The following SYT14 variants were observed in gnomAD, a reference collection of about 807,000 sequenced individuals.
SYT14 encodes synaptotagmin-14.
In SYT14, 32 loss-of-function variants were observed where a neutral mutation model predicts 74.2. The observed-to-expected ratio is 0.43, with a 90% CI of 0.33 to 0.58. The LOEUF (loss-of-function observed/expected upper bound fraction) is 0.58. SYT14 is among the 20% of genes least tolerant of loss of function. The pLI is 0.05. For missense variants in SYT14, 791 were observed against 981.8 expected (o/e 0.81, Z 2.60); for synonymous variants, 298 against 337.7 (o/e 0.88, Z 1.29).
At chr1:209,973,259 G>A (rs552534948) in intron 2 of SYT14, among the ~76,000 whole-genome samples, 8 of 151,618 alleles carry the variant, frequency 5.3e-5, no homozygotes, top group South Asian at 2.1e-4. Context: ...TGTGCACAAC[G>A]TGCAGGTTAG....
chr1:209,943,769 T>C (rs988898632), intron 1 of SYT14, among the ~76,000 whole-genome samples: 3 of 152,182 alleles, frequency 2.0e-5, no homozygotes, highest in African/African-American at 7.2e-5. Flanking sequence ...AGTCGATTAC[T>C]ACCTAATATG....
intron 2 of SYT14, among the ~76,000 whole-genome samples, chr1:209,971,236 A>G (rs1401613558): frequency 6.6e-6 from 1 of 152,124 alleles, no homozygotes; most frequent in Non-Finnish European, 1.5e-5. Context: ...TTGATTTTGT[A>G]TCTTGAAACT....
At position 210,021,021 on chromosome 1, in the gene SYT14, T is replaced by G; in HGVS notation, c.1097-18T>G. On this transcript the variant is annotated intron_variant, in intron 4 of 9. Transcript: ENST00000637265. ...TTTTTTTTCAATTACCGTTTGTTCTTCATGTCATTCCAAATAGATAATTCC... is the reference window on the plus strand; with the variant it reads ...TTTTTTTTCAATTACCGTTTGTTCTGCATGTCATTCCAAATAGATAATTCC... 1 of 1,612,290 alleles carries G rather than the reference T, an allele frequency of 6.2e-7. No individual in the cohort carries two copies. Among genetic ancestry groups the G allele is most frequent in the Non-Finnish European group, 8.5e-7 (1 of 1,178,404 alleles).
chr1:209,991,871 G>T (rs1380165445), intron 2 of SYT14, among the ~76,000 whole-genome samples: 1 of 152,058 alleles, frequency 6.6e-6, no homozygotes, highest in Non-Finnish European at 1.5e-5. Context: ...TATTGACGGG[G>T]ATGCAGAGAA....
chr1:210,086,559 TC>T (rs1442040859), intron 5 of SYT14, among the ~76,000 whole-genome samples: 1 of 152,206 alleles, frequency 6.6e-6, no homozygotes, highest in Non-Finnish European at 1.5e-5. Context: ...TCTAGGCTCA[TC>T]ATGTACTTTA....
chr1:210,050,360 T>C (rs1406253220), intron 5 of SYT14, among the ~76,000 whole-genome samples: 1 of 152,210 alleles, frequency 6.6e-6, no homozygotes, highest in Non-Finnish European at 1.5e-5. Context: ...TGGATCTTAT[T>C]GTCCATATCA....
At chr1:210,127,146 A>G (rs13376651) in intron 7 of SYT14, among the ~76,000 whole-genome samples, 16,750 of 152,260 alleles carry the variant, frequency 0.11, 2,911 homozygotes, top group African/African-American at 0.37. Context: ...GTCAGCATGT[A>G]GAAGTTTGAA....
chr1:210,034,072 T>C (rs951815392), intron 5 of SYT14, among the ~76,000 whole-genome samples: 2 of 151,854 alleles, frequency 1.3e-5, no homozygotes, highest in Non-Finnish European at 3.0e-5. Context: ...GATTATGTGG[T>C]AAACACTATT....
At chr1:210,066,663 C>T (rs1572240974) in intron 5 of SYT14, among the ~76,000 whole-genome samples, 1 of 152,206 alleles carries the variant, frequency 6.6e-6, no homozygotes, top group Admixed American at 6.5e-5. Flanking sequence ...AATGTTCTCC[C>T]ATTCTGTAGG....
intron 1 of SYT14, among the ~76,000 whole-genome samples, chr1:209,949,271 A>G (rs1280083091): frequency 6.6e-6 from 1 of 152,084 alleles, no homozygotes. Flanking sequence ...CTTAGGAAGG[A>G]TTGGGGATAA....
chr1:210,136,833 T>C (rs2082796100), intron 7 of SYT14, among the ~76,000 whole-genome samples: 3 of 152,158 alleles, frequency 2.0e-5, no homozygotes, highest in African/African-American at 7.2e-5. Flanking sequence ...AATAACTTAG[T>C]GTGCAGACTG....
At chr1:210,060,134 G>T (rs1318498155) in intron 5 of SYT14, among the ~76,000 whole-genome samples, 2 of 152,138 alleles carry the variant, frequency 1.3e-5, no homozygotes, top group African/African-American at 4.8e-5. Flanking sequence ...GGGTATGGTT[G>T]TATAGGTCTG....
chr1:210,030,746 CTG>C (rs1199261960), intron 5 of SYT14, among the ~76,000 whole-genome samples: 2 of 152,032 alleles, frequency 1.3e-5, no homozygotes, highest in African/African-American at 4.8e-5. Context: ...TCAACTTTCT[CTG>C]TTGTTGGGAT....
Position 210,092,579 on chromosome 1 carries a change from C to A in SYT14, c.1313-1743C>A, listed in dbSNP as rs944562471. Among the ~76,000 whole-genome samples, 3 of 152,208 alleles carry A rather than the reference C, an allele frequency of 2.0e-5. No homozygotes were observed. The East Asian group carries it at 5.8e-4, about 29-fold the overall frequency. On this transcript the variant is annotated intron_variant, in intron 5 of 9. Coordinates refer to ENST00000637265, the Ensembl canonical transcript of SYT14. ...TAAATGGATCAAGCCAATTAACTGC[C>A]TAAAACCACTTGTCTCTTTACTATT...
chr1:210,168,480 C>T (rs1558237906), exon 10 of SYT14: 1 of 152,134 alleles, frequency 6.6e-6, no homozygotes, highest in East Asian at 1.9e-4. Context: ...ATTACATTAA[C>T]ATGTGATCTC....
exon 10 of SYT14, chr1:210,164,730 A>C (rs1197402705): frequency 6.6e-6 from 1 of 152,148 alleles, no homozygotes; most frequent in Non-Finnish European, 1.5e-5. Context: ...CATAGACTAG[A>C]CAATTCACAG....
At chr1:209,976,112 T>G (rs2079358070) in intron 2 of SYT14, among the ~76,000 whole-genome samples, 1 of 152,178 alleles carries the variant, frequency 6.6e-6, no homozygotes, top group Admixed American at 6.5e-5. Flanking sequence ...TTATTAGTCT[T>G]GCTAGCGGTT....
At chr1:210,110,844 A>G (rs2102578899) in intron 7 of SYT14, among the ~76,000 whole-genome samples, 1 of 152,336 alleles carries the variant, frequency 6.6e-6, no homozygotes, top group South Asian at 2.1e-4. Flanking sequence ...TCCTGGGTTC[A>G]AGCAATTCTC....
At chr1:210,062,466 A>G (rs952387420) in intron 5 of SYT14, among the ~76,000 whole-genome samples, 4 of 151,934 alleles carry the variant, frequency 2.6e-5, no homozygotes, top group African/African-American at 7.2e-5. Context: ...GTGCAAATGA[A>G]TAAGGATTAC....
Sources: allele counts gnomAD v4.1 joint callset (sites outside exome capture counted in the v4.1 genomes callset), GRCh38; gene constraint gnomAD v4.1.1; transcripts MANE v1.5; gene names NCBI Gene and HGNC (gene_info 2026-07-23, HGNC 2026-07-21).